RPL27A: variants seen among roughly 807,000 people sequenced by gnomAD.
The protein encoded by RPL27A is ribosomal protein L27a.
For synonymous variants in RPL27A, 69 were observed against 68.3 expected (o/e 1.01, Z -0.05); for missense variants, 118 against 189.4 (o/e 0.62, Z 2.21).
Position 8,683,773 on chromosome 11 carries a change from G to C in RPL27A, c.68-233G>C, listed in dbSNP as rs886362995. On this transcript the variant is annotated intron_variant, in intron 2 of 4. Transcript: ENST00000314138. ...GCTCACTGCAACCCCTGCCTGCCGG[G>C]CTCAAGCGATTCTCCTGCCTCAGCC... 3 of 552,736 alleles carry C rather than the reference G, an allele frequency of 5.4e-6. No homozygotes were observed. In the Admixed American group the frequency reaches 8.8e-5, roughly 16 times the overall value. The allele number at this position is 552,736 out of a possible 1,614,324, so 34.2% of individuals were successfully genotyped here. A position where few individuals can be genotyped will look rare whatever the true frequency, so the allele number is the denominator to read the frequency against.
chr11:8,685,942 G>T lies in RPL27A; in HGVS notation c.*136G>T, dbSNP rs1471574346. 4 of 751,648 alleles carry T rather than the reference G, an allele frequency of 5.3e-6. No individual in the cohort carries two copies. The highest frequency in any genetic ancestry group is 8.6e-6 in the Non-Finnish European group (4 of 467,304). The allele number at this position is 751,648 out of a possible 1,614,324, so 46.6% of individuals were successfully genotyped here. On this transcript the variant is annotated 3_prime_UTR_variant, in exon 5 of 5. Transcript: ENST00000314138. ...AGTACTTAGGGTATGAAGACATGGG[G>T]TCCTCTCCTGACTTCCCTCAAATAT... is the stretch of plus-strand genomic sequence containing the variant.
intron 2 of RPL27A, 39 bp from the exon 3 acceptor site, chr11:8,683,967 G>T (rs759501972): frequency 6.4e-7 from 1 of 1,558,530 alleles, no homozygotes; most frequent in Non-Finnish European, 8.8e-7. Flanking sequence ...ACAGGCATGA[G>T]CCATCACACC....
chr11:8,685,746 C>A lies in RPL27A; in HGVS notation c.387C>A (p.Phe129Leu). 1.2e-6 allele frequency: 2 copies of A among 1,614,088 alleles called. No individual in the cohort carries two copies. The highest frequency in any genetic ancestry group is 1.7e-6 in the Non-Finnish European group (2 of 1,179,926). ...CTGTCATCGTGAAGGCCAAATTCTT[C>A]AGCAGAAGAGCTGAGGAGAAGATTA... ...KQPVIVKAKF[F>L]SRRAEEKIKS... The change falls in exon 5 of 5, where the codon TTC (phenylalanine) becomes TTA (leucine). Residue 129 changes from phenylalanine (F) to leucine (L), a missense_variant. Transcript: ENST00000314138.
Position 8,686,821 on chromosome 11 carries a change from A to G in RPL27A, c.*1015A>G, listed in dbSNP as rs1264057105. On this transcript the variant is annotated 3_prime_UTR_variant, in exon 5 of 5. Transcript: ENST00000314138. The stretch of plus-strand genomic sequence containing the variant: ...ATAAGATCCTCATAGATCTCGGTAA[A>G]TTATAATTTGCTACAGTTTTATGGT... 6.6e-6 allele frequency: 1 copy of G among 152,190 alleles called. No homozygotes were observed. The highest frequency in any genetic ancestry group is 2.4e-5 in the African/African-American group (1 of 41,436). 9.4% of individuals were successfully genotyped at this position (152,190 alleles called of 1,614,324 possible). A position where few individuals can be genotyped will look rare whatever the true frequency, so the allele number is the denominator to read the frequency against.
At chr11:8,685,441 C>G (rs377077158) in intron 4 of RPL27A, 2 of 680,846 alleles carry the variant, frequency 2.9e-6, no homozygotes, top group African/African-American at 3.5e-5. Context: ...TATGCTTTGC[C>G]GAGACTAGAG....
Position 8,684,700 on chromosome 11 carries a change from G to T in RPL27A, c.144-18G>T. 6.2e-7 allele frequency: 1 copy of T among 1,612,230 alleles called. No individual in the cohort carries two copies. On this transcript the variant is annotated intron_variant, in intron 3 of 4. Coordinates refer to ENST00000314138, the MANE Select transcript of RPL27A (RefSeq NM_000990.5). ...CTTAATTGGAGTGTGTATGAAGGTG[G>T]TTGTTACCTCTTCCTAGCCACCCAG... is the stretch of plus-strand genomic sequence containing the variant.
At position 8,686,219 on chromosome 11, in the gene RPL27A, T is replaced by A. The variant is rs533266774; in HGVS notation, c.*413T>A. The A allele has an allele frequency of 6.5e-6, 1 of 154,946 alleles. No individual in the cohort carries two copies. The highest frequency in any genetic ancestry group is 1.9e-4 in the South Asian group (1 of 5,152). 9.6% of individuals were successfully genotyped at this position (154,946 alleles called of 1,614,324 possible). Reference sequence around the variant, plus strand: ...TAGGACTTAAGTTCTCAGCCCAAGGTTTTTCCACGTGGCCCCCTCATCTTT... The same window carrying A: ...TAGGACTTAAGTTCTCAGCCCAAGGATTTTCCACGTGGCCCCCTCATCTTT... On this transcript the variant is annotated 3_prime_UTR_variant, in exon 5 of 5. Transcript: ENST00000314138.
chr11:8,689,682 CT>C lies in RPL27A; in HGVS notation c.*3877del, dbSNP rs2133622730. ...TAGAAACGTATTTTGTGTAGCTCCCCTAGCAAGAATATAGGTTAAAGCGTAA... is the reference window on the plus strand; with the variant it reads ...TAGAAACGTATTTTGTGTAGCTCCCCAGCAAGAATATAGGTTAAAGCGTAA... On this transcript the variant is annotated 3_prime_UTR_variant, in exon 5 of 5. Transcript: ENST00000314138. 1 of 152,318 alleles carries C rather than the reference CT, an allele frequency of 6.6e-6. No homozygotes were observed. The highest frequency in any genetic ancestry group is 1.9e-4 in the East Asian group (1 of 5,192). The allele number at this position is 152,318 out of a possible 1,614,324, so 9.4% of individuals were successfully genotyped here. A position where few individuals can be genotyped will look rare whatever the true frequency, so the allele number is the denominator to read the frequency against.
chr11:8,683,620 G>T, intron 2 of RPL27A: 1 of 488,432 alleles, frequency 2.0e-6, no homozygotes, highest in Non-Finnish European at 3.7e-6. Flanking sequence ...AGAAGTCTGG[G>T]AAACACTCTG....
chr11:8,684,175 C>A, intron 3 of RPL27A, 94 bp downstream of exon 3: 1 of 1,024,302 alleles, frequency 9.8e-7, no homozygotes, highest in Non-Finnish European at 1.5e-6. Context: ...GCAAGCCTTG[C>A]CTATTGCTGT....
rs2039511828 is a variant in RPL27A, at chr11:8,682,888, G to A, written c.3+72G>A. Reference sequence around the variant, plus strand: ...CTAAGCTGTATTCCCATTGCCCCTAGTCATCCACTCCCTACCATGGTCGGG... The same window carrying A: ...CTAAGCTGTATTCCCATTGCCCCTAATCATCCACTCCCTACCATGGTCGGG... On this transcript the variant is annotated intron_variant, in intron 1 of 4. Transcript: ENST00000314138. The A allele has an allele frequency of 2.0e-6, 3 of 1,533,520 alleles. No homozygotes were observed. The South Asian group carries it at 3.7e-5, about 19-fold the overall frequency. The allele number at this position is 1,533,520 out of a possible 1,614,324, so 95.0% of individuals were successfully genotyped here. A position where few individuals can be genotyped will look rare whatever the true frequency, so the allele number is the denominator to read the frequency against.
At chr11:8,684,140 G>A (rs2039553952) in intron 3 of RPL27A, 59 bp downstream of exon 3, 3 of 1,438,168 alleles carry the variant, frequency 2.1e-6, no homozygotes, top group Non-Finnish European at 2.9e-6. Flanking sequence ...CAGAGAGAGG[G>A]CTGGCTTAAA....
chr11:8,684,695 A>C (rs761073776), intron 3 of RPL27A, 23 bp from the exon 4 acceptor site: 2 of 1,608,368 alleles, frequency 1.2e-6, no homozygotes, highest in Non-Finnish European at 1.7e-6. Context: ...GTGTGTATGA[A>C]GGTGGTTGTT....
At position 8,684,790 on chromosome 11, in the gene RPL27A, T is replaced by C. The variant is rs772348245; in HGVS notation, c.216T>C (p.Thr72=). ...HLKRNQSFCP[T]VNLDKLWTLV... ...AGAGGAACCAGAGCTTCTGCCCAAC[T>C]GTCAACCTTGACAAATTGTGGACTT... The change falls in exon 4 of 5, where the codon ACT becomes ACC. Residue 72 remains threonine (T), a synonymous_variant. Coordinates refer to ENST00000314138, the MANE Select transcript of RPL27A (RefSeq NM_000990.5). The C allele has an allele frequency of 3.1e-6, 5 of 1,613,948 alleles. No homozygotes were observed. The highest frequency in any genetic ancestry group is 4.2e-6 in the Non-Finnish European group (5 of 1,179,764).
At chr11:8,683,686 T>G in intron 2 of RPL27A, 1 of 480,376 alleles carries the variant, frequency 2.1e-6, no homozygotes. Context: ...GCATGTAGCT[T>G]TTTTGTGTGT....
At chr11:8,685,559 C>A in intron 4 of RPL27A, 119 bp from the exon 5 acceptor site, 2 of 1,163,574 alleles carry the variant, frequency 1.7e-6, no homozygotes, top group East Asian at 2.4e-5. Flanking sequence ...GTGCCCAGAT[C>A]AGAAACATAC....
chr11:8,682,964 C>T (rs968849285), intron 1 of RPL27A, 148 bp downstream of exon 1: 72 of 1,142,364 alleles, frequency 6.3e-5, no homozygotes, highest in South Asian at 4.2e-4. Flanking sequence ...CGGCGCGGGC[C>T]CGGGGCGGGG....
intron 4 of RPL27A, chr11:8,685,164 T>C (rs186508690): frequency 7.8e-5 from 40 of 515,782 alleles, no homozygotes; most frequent in Admixed American, 3.2e-4. Context: ...AATAGAATCC[T>C]AATATGTTCC....
rs1369700550 is a variant in RPL27A at position 8,688,467 on chromosome 11, A to C, written c.*2661A>C. The C allele has an allele frequency of 6.6e-6, 1 of 152,216 alleles. No individual in the cohort carries two copies. The highest frequency in any genetic ancestry group is 1.5e-5 in the Non-Finnish European group (1 of 68,044). 9.4% of individuals were successfully genotyped at this position (152,216 alleles called of 1,614,324 possible). A position where few individuals can be genotyped will look rare whatever the true frequency, so the allele number is the denominator to read the frequency against. ...CAGACGAAAATAGTTTTGAGCCCTA[A>C]GTCCGCCGATTCCAGTGCTTTCTTG... On this transcript the variant is annotated 3_prime_UTR_variant, in exon 5 of 5. Transcript: ENST00000314138.
Sources: gnomAD v4.1 joint callset for allele counts on GRCh38, gnomAD v4.1.1 for gene constraint, MANE v1.5 for transcripts, NCBI Gene and HGNC (gene_info 2026-07-23, HGNC 2026-07-21) for gene names.